Variants in MRPS5 observed in about 807,000 individuals in gnomAD.
MRPS5 encodes small ribosomal subunit protein uS5m.
In MRPS5, 27 loss-of-function variants were observed where a neutral mutation model predicts 51.9. That is an observed-to-expected ratio of 0.52 (90% CI 0.38 to 0.72). MRPS5 has a LOEUF of 0.72. Among genes scored for constraint, MRPS5 ranks in the 30% least tolerant of loss-of-function variants. The probability of loss-of-function intolerance (pLI) is 0.00; values close to 1 mark genes in which losing one functional copy is unlikely to be tolerated. For missense variants in MRPS5, 570 were observed against 545.7 expected (o/e 1.04, Z -0.44); for synonymous variants, 196 against 193.2 (o/e 1.01, Z -0.12).
chr2:95,102,791 AGT>A (rs1675841360), intron 7 of MRPS5, among the ~76,000 whole-genome samples: 1 of 152,246 alleles, frequency 6.6e-6, no homozygotes, highest in Non-Finnish European at 1.5e-5. Flanking sequence ...ATGACTCTTT[AGT>A]TTATGAACAC....
intron 11 of MRPS5, 151 bp downstream of exon 11, chr2:95,090,235 A>G (rs1285612109): frequency 1.6e-6 from 1 of 631,404 alleles, no homozygotes; most frequent in South Asian, 2.8e-5. Context: ...GGATTTAACT[A>G]AACTGATGCA....
Position 95,121,799 on chromosome 2 carries a change from T to TCCGAGCCCGA in MRPS5, c.-9_-8insTCGGGCTCGG. On this transcript the variant is annotated 5_prime_UTR_variant, in exon 1 of 12. Transcript: ENST00000272418. ...GCGCACCGCGGTCGCCATGCTGGAG[T>TCCGAGCCCGA]CCGAGCCGCGCCTCGGCCTCCGCCC... The TCCGAGCCCGA allele has an allele frequency of 6.5e-7, 1 of 1,540,164 alleles. No individual in the cohort carries two copies. Among genetic ancestry groups the TCCGAGCCCGA allele is most frequent in the Non-Finnish European group, 8.7e-7 (1 of 1,151,908 alleles).
At chr2:95,115,908 CTTT>C (rs896022157) in intron 2 of MRPS5, among the ~76,000 whole-genome samples, 7 of 141,856 alleles carry the variant, frequency 4.9e-5, no homozygotes, top group Admixed American at 1.4e-4. Flanking sequence ...CCTTAATTTT[CTTT>C]TTTTTTTTTT....
chr2:95,087,682 C>G (rs1041751967), intron 11 of MRPS5, 101 bp from the exon 12 acceptor site: 13 of 960,496 alleles, frequency 1.4e-5, no homozygotes, highest in African/African-American at 1.3e-4. Context: ...TGGGGGTATT[C>G]AAAGGCCATT....
At chr2:95,100,228 C>T (rs1459358919) in intron 10 of MRPS5, among the ~76,000 whole-genome samples, 1 of 152,186 alleles carries the variant, frequency 6.6e-6, no homozygotes, top group Non-Finnish European at 1.5e-5. Context: ...TGCTATTTCC[C>T]GTTTCCAATG....
intron 2 of MRPS5, among the ~76,000 whole-genome samples, chr2:95,116,009 G>T (rs1205386164): frequency 6.6e-6 from 1 of 151,352 alleles, no homozygotes; most frequent in Non-Finnish European, 1.5e-5. Flanking sequence ...CAGGTTCAGC[G>T]ATTCTCCTGC....
intron 3 of MRPS5, among the ~76,000 whole-genome samples, chr2:95,113,468 C>T (rs544624793): frequency 4.6e-5 from 7 of 152,222 alleles, no homozygotes; most frequent in South Asian, 2.1e-4. Context: ...AAGAGCAAGA[C>T]TCCGTCTCAA....
chr2:95,113,380 G>C (rs1029550232), intron 3 of MRPS5, among the ~76,000 whole-genome samples: 1 of 152,018 alleles, frequency 6.6e-6, no homozygotes, highest in Non-Finnish European at 1.5e-5. Context: ...AGAGGCTGAG[G>C]CAGGAGAATC....
At chr2:95,099,236 TAA>T (rs957057351) in intron 10 of MRPS5, among the ~76,000 whole-genome samples, 1 of 142,362 alleles carries the variant, frequency 7.0e-6, no homozygotes, top group African/African-American at 2.6e-5. Flanking sequence ...TTTTTAAAAT[TAA>T]AAAAAAAAAA....
At chr2:95,121,666 C>T in intron 1 of MRPS5, 68 bp downstream of exon 1, 2 of 1,483,986 alleles carry the variant, frequency 1.3e-6, no homozygotes, top group Non-Finnish European at 9.0e-7. Context: ...CCGACTTCTG[C>T]AGGCCCCAGG....
chr2:95,119,332 A>C (rs1251215845), intron 1 of MRPS5, among the ~76,000 whole-genome samples: 1 of 152,220 alleles, frequency 6.6e-6, no homozygotes, highest in African/African-American at 2.4e-5. Flanking sequence ...TGGGCTGGCC[A>C]GGTAAGGAGG....
chr2:95,095,469 A>G (rs1160364685), intron 10 of MRPS5, among the ~76,000 whole-genome samples: 2 of 152,232 alleles, frequency 1.3e-5, no homozygotes, highest in African/African-American at 4.8e-5. Context: ...AGCACTCCTC[A>G]GCAAATGTAA....
At position 95,090,540 on chromosome 2, in the gene MRPS5, G is replaced by A. The variant is rs1019356613; in HGVS notation, c.932-18C>T. 1.7e-5 allele frequency: 28 copies of A among 1,613,682 alleles called. No individual in the cohort carries two copies. Among genetic ancestry groups the A allele is most frequent in the African/African-American group, 8.0e-5 (6 of 74,900 alleles). On this transcript the variant is annotated intron_variant, in intron 10 of 11. Transcript: ENST00000272418. ...GCCGTAACCTAGAAAAGGAGAAACC[G>A]GGTGAAACACAGCCCACTCGCCTGC...
chr2:95,119,624 A>C (rs1676383865), intron 1 of MRPS5, among the ~76,000 whole-genome samples: 1 of 152,018 alleles, frequency 6.6e-6, no homozygotes, highest in African/African-American at 2.4e-5. Context: ...AAAAAAAAAA[A>C]AAACCCACAT....
chr2:95,121,310 T>C (rs1676440781), intron 1 of MRPS5, among the ~76,000 whole-genome samples: 1 of 152,056 alleles, frequency 6.6e-6, no homozygotes, highest in Admixed American at 6.6e-5. Context: ...GGACTTCCAG[T>C]AAAATTGAGC....
intron 10 of MRPS5, among the ~76,000 whole-genome samples, chr2:95,096,104 C>G (rs192681132): frequency 6.6e-4 from 101 of 152,188 alleles, no homozygotes; most frequent in Admixed American, 2.2e-3. Context: ...ATAAATTCCT[C>G]GACACATACA....
intron 3 of MRPS5, among the ~76,000 whole-genome samples, chr2:95,112,805 C>T (rs541996848): frequency 1.6e-4 from 24 of 151,994 alleles, no homozygotes; most frequent in African/African-American, 5.5e-4. Context: ...GAGATCGAGA[C>T]CATCCTGGCT....
chr2:95,106,372 C>G, intron 6 of MRPS5, 51 bp downstream of exon 6: 1 of 1,204,740 alleles, frequency 8.3e-7, no homozygotes. Flanking sequence ...CTGCCCCACC[C>G]ACCCCAACCT....
At chr2:95,100,364 G>T in intron 10 of MRPS5, 110 bp downstream of exon 10, 1 of 723,720 alleles carries the variant, frequency 1.4e-6, no homozygotes, top group Non-Finnish European at 2.4e-6. Flanking sequence ...TTTACATTTT[G>T]GTGTTTCCAA....
Sources: gnomAD v4.1 joint callset for allele counts (sites outside exome capture counted in the v4.1 genomes callset) on GRCh38, gnomAD v4.1.1 for gene constraint, MANE v1.5 for transcripts, NCBI Gene and HGNC (gene_info 2026-07-23, HGNC 2026-07-21) for gene names.